TARS2: variants seen among roughly 807,000 people sequenced by gnomAD.
The protein encoded by TARS2 is threonine--tRNA ligase, mitochondrial.
In TARS2, 61 loss-of-function variants were observed where a neutral mutation model predicts 94.4. That is an observed-to-expected ratio of 0.65 (90% confidence interval 0.53 to 0.80). The LOEUF (loss-of-function observed/expected upper bound fraction) is 0.80. Ranked by LOEUF, TARS2 falls within the 30% of genes least tolerant of loss-of-function variation. TARS2 has a pLI of 0.00. For missense variants in TARS2, 704 were observed against 902.5 expected (o/e 0.78, Z 2.82); for synonymous variants, 359 against 353.4 (o/e 1.02, Z -0.18).
At chr1:150,492,239 T>C in intron 6 of TARS2, 172 bp from the exon 7 acceptor site, 1 of 623,784 alleles carries the variant, frequency 1.6e-6, no homozygotes, top group Non-Finnish European at 2.8e-6. Context: ...TCTGGGATTA[T>C]AGACATGAGC....
chr1:150,504,281 G>T, intron 13 of TARS2, 54 bp from the exon 14 acceptor site: 2 of 1,564,920 alleles, frequency 1.3e-6, no homozygotes, highest in Non-Finnish European at 8.8e-7. Context: ...GGAGGATAGT[G>T]GTTCTGGATA....
At position 150,504,419 on chromosome 1, in the gene TARS2, G is replaced by A; in HGVS notation, c.1702G>A (p.Asp568Asn). ...QLDFQLPLRF[D>N]LQYKGQAGAL... The stretch of plus-strand genomic sequence containing the variant: ...TGACTTCCAACTGCCCCTGAGATTT[G>A]ACCTCCAGTATAAGGGGTATAAAAC... The change falls in exon 14 of 18, where the codon GAC becomes AAC. Residue 568 changes from aspartate (D) to asparagine (N), a missense_variant. This residue lies in a region of TARS2 where 466 missense variants were observed against 609.5 expected (regional missense o/e 0.76). Transcript: ENST00000369064. 1 of 1,614,032 alleles carries A rather than the reference G, an allele frequency of 6.2e-7. No homozygotes were observed. Among genetic ancestry groups the A allele is most frequent in the South Asian group, 1.1e-5 (1 of 91,058 alleles).
chr1:150,504,487 C>T lies in TARS2; in HGVS notation c.1718+52C>T, dbSNP rs1670106917. 7.5e-6 allele frequency: 12 copies of T among 1,597,864 alleles called. No individual in the cohort carries two copies. In the East Asian group the frequency reaches 2.2e-4, roughly 30 times the overall value. ...TCCCTTGACAGTGCATGGAATAAGT[C>T]CTTCTGCCTTTGGCCCTAAAAACTA... On this transcript the variant is annotated intron_variant, in intron 14 of 17. Coordinates refer to ENST00000369064, the MANE Select transcript of TARS2 (RefSeq NM_025150.5).
intron 14 of TARS2, 40 bp downstream of exon 14, chr1:150,504,475 CA>C (rs769395400): frequency 1.6e-5 from 26 of 1,602,326 alleles, no homozygotes; most frequent in Non-Finnish European, 2.1e-5. Context: ...CTTGACAGTG[CA>C]TGGAATAAGT....
At chr1:150,492,227 G>A (rs1022795971) in intron 6 of TARS2, 184 bp from the exon 7 acceptor site, 1 of 567,432 alleles carries the variant, frequency 1.8e-6, no homozygotes, top group Non-Finnish European at 3.1e-6. Context: ...GCCTCCCAAA[G>A]TTCTGGGATT....
chr1:150,490,579 A>T (rs1416950442), intron 3 of TARS2, 22 bp from the exon 4 acceptor site: 2 of 1,608,310 alleles, frequency 1.2e-6, no homozygotes, highest in African/African-American at 2.7e-5. Context: ...TGAACTTGTG[A>T]ACCCCTTTTT....
At chr1:150,495,802 C>T (rs891217865) in intron 7 of TARS2, among the ~76,000 whole-genome samples, 6 of 152,118 alleles carry the variant, frequency 3.9e-5, no homozygotes, top group Non-Finnish European at 8.8e-5. Flanking sequence ...TCACTGCTAG[C>T]TCCACCTTCC....
intron 13 of TARS2, among the ~76,000 whole-genome samples, chr1:150,501,323 TTTTTTTTTTA>T (rs1379474673): frequency 9.2e-5 from 10 of 109,056 alleles, no homozygotes; most frequent in Non-Finnish European, 1.4e-4. Flanking sequence ...TTTTTTTTTT[TTTTTTTTTTA>T]TTGAGACTAT....
intron 2 of TARS2, 70 bp from the exon 3 acceptor site, chr1:150,488,894 C>T: frequency 6.4e-7 from 1 of 1,565,048 alleles, no homozygotes; most frequent in Admixed American, 1.9e-5. Context: ...GGAATCAGAA[C>T]ATGTGATATT....
At position 150,507,075 on chromosome 1, in the gene TARS2, A is replaced by G. The variant is rs750370200; in HGVS notation, c.*11A>G. ...GAAGAAATTTTCTGAGCCTTTGTAC[A>G]TAGATGAGGCAAAAACCTGCGAGTG... On this transcript the variant is annotated 3_prime_UTR_variant, in exon 18 of 18. Coordinates refer to ENST00000369064, the MANE Select transcript of TARS2 (RefSeq NM_025150.5). 1 of 1,613,762 alleles carries G rather than the reference A, an allele frequency of 6.2e-7. No homozygotes were observed. Among genetic ancestry groups the G allele is most frequent in the South Asian group, 1.1e-5 (1 of 91,066 alleles).
At chr1:150,502,409 C>T (rs1373687916) in intron 13 of TARS2, among the ~76,000 whole-genome samples, 8 of 131,628 alleles carry the variant, frequency 6.1e-5, no homozygotes, top group South Asian at 4.8e-4. Flanking sequence ...TTTTTTGAGG[C>T]GGAGTTTTAC....
chr1:150,493,189 C>T (rs958019683), intron 7 of TARS2, among the ~76,000 whole-genome samples: 5 of 151,992 alleles, frequency 3.3e-5, no homozygotes, highest in Admixed American at 1.3e-4. Context: ...ATAAGCTGAG[C>T]GGGGAATACA....
At chr1:150,506,612 C>T (rs1570876210) in intron 17 of TARS2, among the ~76,000 whole-genome samples, 2 of 150,620 alleles carry the variant, frequency 1.3e-5, no homozygotes, top group South Asian at 4.2e-4. Flanking sequence ...CACACAGTTT[C>T]TCTCTGTGGG....
chr1:150,503,342 G>A (rs1175941947), intron 13 of TARS2, among the ~76,000 whole-genome samples: 1 of 152,028 alleles, frequency 6.6e-6, no homozygotes, highest in African/African-American at 2.4e-5. Context: ...CCTGAGGATG[G>A]GAGAGAAAAA....
At chr1:150,505,322 T>C (rs1008172567) in intron 16 of TARS2, among the ~76,000 whole-genome samples, 1 of 152,004 alleles carries the variant, frequency 6.6e-6, no homozygotes, top group Non-Finnish European at 1.5e-5. Context: ...AACAGCTGGT[T>C]GGGTAGAGCA....
Position 150,504,927 on chromosome 1 carries a change from C to G in TARS2, c.1842C>G (p.Phe614Leu), listed in dbSNP as rs1169907688. 6.2e-7 allele frequency: 1 copy of G among 1,614,076 alleles called. No homozygotes were observed. Among genetic ancestry groups the G allele is most frequent in the Non-Finnish European group, 8.5e-7 (1 of 1,180,052 alleles). Residue 614 changes from phenylalanine (F) to leucine (L), a missense_variant, in exon 16 of 18, where the codon TTC becomes TTG. By Grantham distance (22) the Phe-to-Leu change is conservative. Around this residue, in one of 3 missense-constraint regions of TARS2, gnomAD observed 466 missense variants for 609.5 expected, o/e 0.76. Transcript: ENST00000369064. The stretch of plus-strand genomic sequence containing the variant: ...CCAGGCCACTGTGGCTGTCCCCGTT[C>G]CAGGTGGTGGTCATCCCTGTGGGGA... ...GGKWPLWLSP[F>L]QVVVIPVGSE...
chr1:150,496,773 C>G (rs775331888), intron 8 of TARS2, 37 bp from the exon 9 acceptor site: 3 of 1,612,104 alleles, frequency 1.9e-6, no homozygotes, highest in Admixed American at 1.7e-5. Context: ...ACCTCCTTGC[C>G]CTTGAGGTGA....
chr1:150,490,310 G>C (rs1669326087), intron 3 of TARS2, among the ~76,000 whole-genome samples: 1 of 151,730 alleles, frequency 6.6e-6, no homozygotes, highest in Non-Finnish European at 1.5e-5. Context: ...GCAGAGACAG[G>C]GTTTCACCAT....
Position 150,496,566 on chromosome 1 carries a change from C to T in TARS2, c.859C>T (p.Leu287=), listed in dbSNP as rs1279806007. ...SGISFPTTEL[L]RVWEAWREEA... ...GATTTCCTTCCCCACAACAGAATTG[C>T]TGAGGGTCTGGGAAGCATGGAGGGA... Residue 287 remains leucine (L), a synonymous_variant, in exon 8 of 18, where the codon CTG becomes TTG. Coordinates refer to ENST00000369064, the MANE Select transcript of TARS2 (RefSeq NM_025150.5). 1 of 1,613,938 alleles carries T rather than the reference C, an allele frequency of 6.2e-7. No individual in the cohort carries two copies. Among genetic ancestry groups the T allele is most frequent in the African/African-American group, 1.3e-5 (1 of 74,896 alleles).
Sources: allele counts gnomAD v4.1 joint callset (sites outside exome capture counted in the v4.1 genomes callset), GRCh38; gene constraint gnomAD v4.1.1; regional missense constraint gnomAD v4.1.1; transcripts MANE v1.5; gene names NCBI Gene and HGNC (gene_info 2026-07-23, HGNC 2026-07-21).